The following SMAD3 variants were observed in gnomAD, a reference collection of about 807,000 sequenced individuals.
The protein encoded by SMAD3 is SMAD family member 3.
A neutral mutation model predicts 51.8 loss-of-function variants in SMAD3; 12 were observed. The observed-to-expected ratio is 0.23, with a 90% CI of 0.15 to 0.38. The LOEUF is 0.38. Ranked by LOEUF, SMAD3 falls within the 10% of genes least tolerant of loss-of-function variation. SMAD3 has a pLI of 1.00. For missense variants in SMAD3, 294 were observed against 565.6 expected, an observed-to-expected ratio of 0.52 and a Z score of 4.87; for synonymous variants, 238 against 227.7, an observed-to-expected ratio of 1.05 and a Z score of -0.41.
chr15:67,123,054 T>G (rs909975221), intron 1 of SMAD3, among the ~76,000 whole-genome samples: 1 of 151,622 alleles, frequency 6.6e-6, no homozygotes, highest in African/African-American at 2.4e-5. Context: ...AAATATTAGC[T>G]GGGCATGGTG....
chr15:67,162,974 TGA>T (rs1962471033), intron 1 of SMAD3, among the ~76,000 whole-genome samples: 1 of 151,526 alleles, frequency 6.6e-6, no homozygotes, highest in Admixed American at 6.6e-5. Flanking sequence ...ATGATGATGA[TGA>T]TGATGATGAT....
At chr15:67,071,336 TTACCTTGTAACTGGCACTGAACAGC>T (rs1419319478) in intron 1 of SMAD3, among the ~76,000 whole-genome samples, 18 of 152,240 alleles carry the variant, frequency 1.2e-4, no homozygotes, top group Non-Finnish European at 1.3e-4. Flanking sequence ...TATAAATATG[TTACCTTGTAACTGGCACTGAACAGC>T]TAGTGACTTG....
At chr15:67,105,052 C>T (rs559480206) in intron 1 of SMAD3, among the ~76,000 whole-genome samples, 2 of 152,246 alleles carry the variant, frequency 1.3e-5, no homozygotes, top group African/African-American at 4.8e-5. Flanking sequence ...CTCCATCTCA[C>T]CTCCCTGAAC....
chr15:67,090,000 C>T (rs1173885696), intron 1 of SMAD3, among the ~76,000 whole-genome samples: 1 of 152,210 alleles, frequency 6.6e-6, no homozygotes, highest in Non-Finnish European at 1.5e-5. Flanking sequence ...CACACAGGCT[C>T]CTGCTTCCTG....
intron 1 of SMAD3, chr15:67,143,071 C>T: frequency 4.7e-6 from 1 of 214,492 alleles, no homozygotes; most frequent in Non-Finnish European, 9.9e-6. Flanking sequence ...CGGTGACCCA[C>T]CTTGGGATGC....
At chr15:67,175,649 C>T (rs1236809870) in intron 5 of SMAD3, among the ~76,000 whole-genome samples, 2 of 152,188 alleles carry the variant, frequency 1.3e-5, no homozygotes, top group Non-Finnish European at 2.9e-5. Flanking sequence ...GAATCGGGGG[C>T]AAGTTGCCCC....
At chr15:67,167,764 C>T (rs1033737700) in intron 4 of SMAD3, among the ~76,000 whole-genome samples, 2 of 152,136 alleles carry the variant, frequency 1.3e-5, no homozygotes, top group African/African-American at 4.8e-5. Flanking sequence ...CCAGCAGCTT[C>T]TTGAATTGAA....
At chr15:67,120,258 G>A (rs718663) in intron 1 of SMAD3, among the ~76,000 whole-genome samples, 141,492 of 152,208 alleles carry the variant, frequency 0.93, 65,788 homozygotes, top group East Asian at 0.96. Flanking sequence ...CTTTGCCCTG[G>A]GCTGCTTAAC....
intron 5 of SMAD3, among the ~76,000 whole-genome samples, chr15:67,172,641 CGTT>C (rs1179147752): frequency 1.3e-5 from 2 of 152,190 alleles, no homozygotes; most frequent in Non-Finnish European, 2.9e-5. Flanking sequence ...AAGGCAGAAG[CGTT>C]GTGATTTTTC....
chr15:67,090,123 G>A (rs1442022775), intron 1 of SMAD3, among the ~76,000 whole-genome samples: 1 of 152,194 alleles, frequency 6.6e-6, no homozygotes, highest in African/African-American at 2.4e-5. Context: ...GGTGACAGGT[G>A]GCACTGGGAG....
intron 1 of SMAD3, among the ~76,000 whole-genome samples, chr15:67,123,456 G>A (rs562012393): frequency 5.9e-5 from 9 of 152,202 alleles, no homozygotes; most frequent in Non-Finnish European, 1.0e-4. Flanking sequence ...CCAAGATTGT[G>A]CCATCGCACT....
At chr15:67,088,084 G>A (rs1325800859) in intron 1 of SMAD3, among the ~76,000 whole-genome samples, 1 of 152,192 alleles carries the variant, frequency 6.6e-6, no homozygotes, top group Non-Finnish European at 1.5e-5. Flanking sequence ...GCGGAGAGGG[G>A]TCACACATTT....
chr15:67,165,167 G>A, intron 2 of SMAD3, 79 bp downstream of exon 2: 1 of 1,612,296 alleles, frequency 6.2e-7, no homozygotes, highest in Non-Finnish European at 8.5e-7. Context: ...CCCCCCGAGG[G>A]TCTGCGGTGC....
chr15:67,166,081 GT>G, intron 3 of SMAD3: 4 of 698,760 alleles, frequency 5.7e-6, no homozygotes, highest in Non-Finnish European at 7.1e-6. Context: ...TCCTGGGTTA[GT>G]TTACTGGGCT....
chr15:67,148,873 T>C (rs929697634), intron 1 of SMAD3, among the ~76,000 whole-genome samples: 15 of 152,230 alleles, frequency 9.9e-5, no homozygotes, highest in Non-Finnish European at 1.3e-4. Context: ...AAATGTGACC[T>C]GCAAGCCCCT....
intron 1 of SMAD3, among the ~76,000 whole-genome samples, chr15:67,092,923 C>T (rs1960538543): frequency 6.6e-6 from 1 of 152,174 alleles, no homozygotes; most frequent in Non-Finnish European, 1.5e-5. Flanking sequence ...GCTTCTGCAT[C>T]ATGGAAAATG....
At chr15:67,106,443 A>G (rs890708633) in intron 1 of SMAD3, among the ~76,000 whole-genome samples, 2 of 152,036 alleles carry the variant, frequency 1.3e-5, no homozygotes, top group Non-Finnish European at 2.9e-5. Flanking sequence ...AATGTCATCT[A>G]AGAGAGCCCT....
At chr15:67,094,338 G>A (rs1276609565) in intron 1 of SMAD3, among the ~76,000 whole-genome samples, 1 of 152,254 alleles carries the variant, frequency 6.6e-6, no homozygotes, top group Non-Finnish European at 1.5e-5. Flanking sequence ...GTGAATAGCT[G>A]ATGCTCTGGG....
chr15:67,070,760 G>C (rs182363551), intron 1 of SMAD3, among the ~76,000 whole-genome samples: 1 of 151,310 alleles, frequency 6.6e-6, no homozygotes, highest in African/African-American at 2.4e-5. Flanking sequence ...ATAATGACAG[G>C]CATCTGTTTT....
Sources: gnomAD v4.1 joint callset for allele counts (sites outside exome capture counted in the v4.1 genomes callset) on GRCh38, gnomAD v4.1.1 for gene constraint, MANE v1.5 for transcripts, NCBI Gene and HGNC (gene_info 2026-07-23, HGNC 2026-07-21) for gene names.